RRBP1: variants seen among roughly 807,000 people sequenced by gnomAD.
The protein encoded by RRBP1 is ribosome binding protein 1, also known as ribosome-binding protein 1.
Under a neutral mutation model 165.2 loss-of-function variants are expected in RRBP1, and 94 were observed. The observed-to-expected ratio is 0.57, with a 90% CI of 0.48 to 0.68. The LOEUF is 0.68. RRBP1 is among the 30% of genes least tolerant of loss of function. The pLI, the probability that RRBP1 is intolerant of heterozygous loss-of-function variation, is 0.00. For missense variants in RRBP1, 1,676 were observed against 1,763.0 expected (o/e 0.95, Z 0.88); for synonymous variants, 680 against 714.5 (o/e 0.95, Z 0.77).
chr20:17,672,336 A>G (rs916343849), intron 2 of RRBP1, among the ~76,000 whole-genome samples: 2 of 152,220 alleles, frequency 1.3e-5, no homozygotes, highest in Non-Finnish European at 2.9e-5. Flanking sequence ...ATATTAGGAA[A>G]TATCACCTGC....
rs2036869185 is a variant in RRBP1 at position 17,666,429 on chromosome 20, T to C, written c.-21-5901A>G. On this transcript the variant is annotated intron_variant, in intron 2 of 24. Coordinates refer to ENST00000377813, the MANE Select transcript of RRBP1 (RefSeq NM_001365613.2). The stretch of plus-strand genomic sequence containing the variant: ...GTCTTACACGTTGTTTTGTTGATGG[T>C]TAGAATACCTTTTGTAAACTACTTC... 2.0e-5 allele frequency among the ~76,000 whole-genome samples: 3 copies of C among 152,328 alleles called. No homozygotes were observed. The South Asian group carries it at 6.2e-4, about 32-fold the overall frequency.
intron 3 of RRBP1, among the ~76,000 whole-genome samples, chr20:17,648,517 G>A (rs6080761): frequency 0.36 from 54,201 of 152,122 alleles, 10,934 homozygotes; most frequent in Middle Eastern, 0.53. Flanking sequence ...CAAATGCCAC[G>A]AACGGTCACA....
chr20:17,615,603 C>G, intron 22 of RRBP1, 74 bp from the exon 23 acceptor site: 1 of 1,285,956 alleles, frequency 7.8e-7, no homozygotes, highest in Non-Finnish European at 1.1e-6. Context: ...CTACCGAGCA[C>G]GCCTGGGGAC....
Position 17,621,591 on chromosome 20 carries a change from G to A in RRBP1, c.3325-44C>T, listed in dbSNP as rs372900868. 104 of 1,594,012 alleles carry A rather than the reference G, an allele frequency of 6.5e-5. No individual in the cohort carries two copies. The African/African-American group carries it at 9.9e-4, about 15-fold the overall frequency. On this transcript the variant is annotated intron_variant, in intron 15 of 24. Transcript: ENST00000377813. The stretch of plus-strand genomic sequence containing the variant: ...GGTGTTTAGTTAGCCACACACAAAG[G>A]TTCTTCTCTTGGCTTCCCGTTGAAA...
chr20:17,679,026 G>A (rs776471027), intron 2 of RRBP1, among the ~76,000 whole-genome samples: 2 of 152,196 alleles, frequency 1.3e-5, no homozygotes, highest in Non-Finnish European at 2.9e-5. Context: ...GAAGGTGGAG[G>A]TATATAGCCA....
At chr20:17,663,614 C>A (rs533187899) in intron 2 of RRBP1, among the ~76,000 whole-genome samples, 1 of 152,302 alleles carries the variant, frequency 6.6e-6, no homozygotes, top group South Asian at 2.1e-4. Context: ...GCAAAGAAAT[C>A]GAAATGAAAA....
intron 24 of RRBP1, 68 bp downstream of exon 24, chr20:17,614,669 C>G: frequency 6.3e-7 from 1 of 1,586,820 alleles, no homozygotes. Flanking sequence ...CTGCCTCTCC[C>G]GGTCCTGCCT....
chr20:17,638,509 G>A (rs756920832), intron 5 of RRBP1, among the ~76,000 whole-genome samples: 8 of 152,244 alleles, frequency 5.3e-5, no homozygotes, highest in East Asian at 3.9e-4. Context: ...TCCCAAGGCC[G>A]CCAGGATTCA....
At chr20:17,673,418 C>CT (rs1451883979) in intron 2 of RRBP1, among the ~76,000 whole-genome samples, 4 of 151,488 alleles carry the variant, frequency 2.6e-5, no homozygotes, top group Admixed American at 6.6e-5. Flanking sequence ...TTTCTTTTTT[C>CT]TTTTTTTTGT....
At chr20:17,627,182 T>TA (rs1160175575) in intron 11 of RRBP1, among the ~76,000 whole-genome samples, 166 bp downstream of exon 11, 1 of 90,624 alleles carries the variant, frequency 1.1e-5, no homozygotes, top group Non-Finnish European at 3.2e-5. Context: ...CGCCCAGGCC[T>TA]GTCCCGTCCT....
At chr20:17,618,040 A>G (rs548522261) in intron 20 of RRBP1, among the ~76,000 whole-genome samples, 1 of 149,496 alleles carries the variant, frequency 6.7e-6, no homozygotes, top group Non-Finnish European at 1.5e-5. Context: ...GCAGAGCTCC[A>G]GTGGTCTGCC....
At chr20:17,654,631 C>G (rs940201775) in intron 3 of RRBP1, among the ~76,000 whole-genome samples, 22 of 152,194 alleles carry the variant, frequency 1.4e-4, no homozygotes, top group Non-Finnish European at 2.6e-4. Context: ...CAGGGAGGGT[C>G]TCTTCACTGT....
At chr20:17,678,511 TA>T (rs1285496274) in intron 2 of RRBP1, among the ~76,000 whole-genome samples, 1 of 152,218 alleles carries the variant, frequency 6.6e-6, no homozygotes, top group African/African-American at 2.4e-5. Context: ...CAACTGCCAC[TA>T]GTCAACTGGT....
At chr20:17,615,358 T>C (rs1234017517) in intron 23 of RRBP1, 73 bp downstream of exon 23, 1 of 1,259,124 alleles carries the variant, frequency 7.9e-7, no homozygotes, top group African/African-American at 1.5e-5. Context: ...CCTGGCCCCT[T>C]TCCGAGGCCA....
intron 21 of RRBP1, 151 bp downstream of exon 21, chr20:17,616,581 C>T: frequency 1.7e-6 from 1 of 598,204 alleles, no homozygotes; most frequent in South Asian, 2.1e-5. Flanking sequence ...TTTCTCCGAA[C>T]CTGGATGATC....
Position 17,636,710 on chromosome 20 carries a change from G to A in RRBP1, c.2204C>T (p.Ala735Val). 6.2e-7 allele frequency: 1 copy of A among 1,613,006 alleles called. No individual in the cohort carries two copies. The highest frequency in any genetic ancestry group is 8.5e-7 in the Non-Finnish European group (1 of 1,180,028). The change falls in exon 6 of 25, where the codon GCC becomes GTC. Residue 735 changes from alanine to valine, a missense_variant. Ala to Val is a moderately conservative substitution (Grantham distance 64). Transcript: ENST00000377813. ...TTTGGCCTCCCCGGCTGCTGCTTTG[G>A]CCTTTTCTGCTGCCATCTCCTGGGG... Reference protein sequence around the residue: ...ELNKEMAAEKAKAAAGEAKVK... With the variant: ...ELNKEMAAEKVKAAAGEAKVK...
Position 17,620,819 on chromosome 20 carries a change from C to G in RRBP1, c.3415-12G>C, listed in dbSNP as rs770132216. On this transcript the variant is annotated splice_polypyrimidine_tract_variant and intron_variant, in intron 16 of 24. Transcript: ENST00000377813. The stretch of plus-strand genomic sequence containing the variant: ...CTGAGCATGCCCTCCTGGGGGGAAA[C>G]CGAGGTGAGGCAGGGCCCTCTCCCT... 5.0e-6 allele frequency: 8 copies of G among 1,593,658 alleles called. No homozygotes were observed. Among genetic ancestry groups the G allele is most frequent in the Middle Eastern group, 1.7e-4 (1 of 6,044 alleles).
At chr20:17,641,772 A>G in intron 5 of RRBP1, 25 bp downstream of exon 5, 3 of 1,610,276 alleles carry the variant, frequency 1.9e-6, no homozygotes, top group South Asian at 2.2e-5. Flanking sequence ...AGGACAAACC[A>G]TCTCCGAGCC....
chr20:17,653,837 A>C (rs2122419730), intron 3 of RRBP1, among the ~76,000 whole-genome samples: 1 of 151,104 alleles, frequency 6.6e-6, no homozygotes, highest in East Asian at 1.9e-4. Context: ...CCATCTCAAA[A>C]AAAAAAAAAA....
Sources: gnomAD v4.1 joint callset for allele counts (sites outside exome capture counted in the v4.1 genomes callset) on GRCh38, gnomAD v4.1.1 for gene constraint, MANE v1.5 for transcripts, NCBI Gene and HGNC (gene_info 2026-07-23, HGNC 2026-07-21) for gene names.